TMEM117: variants seen among roughly 807,000 people sequenced by gnomAD.
TMEM117 encodes transmembrane protein 117.
TMEM117 carries 27 observed loss-of-function variants against 52.4 expected under a neutral mutation model. The observed-to-expected ratio is 0.51, with a 90% CI of 0.38 to 0.71. The LOEUF is 0.71. Among genes scored for constraint, TMEM117 ranks in the 30% least tolerant of loss-of-function variants. TMEM117 has a pLI of 0.00. For missense variants in TMEM117, 556 were observed against 630.5 expected (o/e 0.88, Z 1.26); for synonymous variants, 215 against 206.3 (o/e 1.04, Z -0.36).
intron 3 of TMEM117, among the ~76,000 whole-genome samples, chr12:44,039,486 A>G (rs1425926423): frequency 6.6e-6 from 1 of 151,548 alleles, no homozygotes; most frequent in Non-Finnish European, 1.5e-5. Flanking sequence ...TTGTTCTTTC[A>G]TGTAAATTTT....
intron 6 of TMEM117, among the ~76,000 whole-genome samples, chr12:44,303,581 C>A (rs569924255): frequency 5.9e-5 from 9 of 152,218 alleles, no homozygotes; most frequent in Admixed American, 5.9e-4. Context: ...CAGATACCAG[C>A]AAAGTGTAAC....
At chr12:44,398,679 C>A in the TMEM117 span, among the ~76,000 whole-genome samples, 1 of 152,192 alleles carries the variant, frequency 6.6e-6, no homozygotes, top group Non-Finnish European at 1.5e-5. Flanking sequence ...TGGGACACCG[C>A]TGGATTTTGG....
At chr12:44,174,026 A>G (rs1174915904) in intron 4 of TMEM117, among the ~76,000 whole-genome samples, 1 of 152,178 alleles carries the variant, frequency 6.6e-6, no homozygotes, top group Non-Finnish European at 1.5e-5. Flanking sequence ...AATTGCTTTT[A>G]ACTTTTTTTT....
chr12:43,901,148 G>A (rs1472218894), intron 2 of TMEM117, among the ~76,000 whole-genome samples: 1 of 152,172 alleles, frequency 6.6e-6, no homozygotes, highest in Admixed American at 6.5e-5. Context: ...GTCAAAATGA[G>A]TCGACTTTTA....
At chr12:43,969,112 A>G (rs763588656) in intron 3 of TMEM117, among the ~76,000 whole-genome samples, 8 of 152,106 alleles carry the variant, frequency 5.3e-5, no homozygotes, top group Non-Finnish European at 1.0e-4. Flanking sequence ...TTTTTACTTT[A>G]CAGAATGAAG....
At position 43,853,732 on chromosome 12, in the gene TMEM117, G is replaced by A. The variant is rs558415267; in HGVS notation, c.277+8804G>A. ...AACACTCTTGATGATACAAGAAAAT[G>A]TGTATCGAGTATCAAATGAATAGTA... On this transcript the variant is annotated intron_variant, in intron 2 of 7. Coordinates refer to ENST00000266534, the MANE Select transcript of TMEM117 (RefSeq NM_032256.3). 1.6e-4 allele frequency among the ~76,000 whole-genome samples: 24 copies of A among 152,330 alleles called. No individual in the cohort carries two copies. The South Asian group carries it at 4.8e-3, about 30-fold the overall frequency.
At chr12:43,913,214 C>T (rs114509402) in intron 2 of TMEM117, among the ~76,000 whole-genome samples, 39 of 152,194 alleles carry the variant, frequency 2.6e-4, no homozygotes, top group African/African-American at 8.9e-4. Flanking sequence ...TCCTTGGACT[C>T]CAGGTAGGAA....
intron 6 of TMEM117, among the ~76,000 whole-genome samples, chr12:44,316,986 ATTTCTT>A (rs892809271): frequency 5.6e-5 from 8 of 142,812 alleles, no homozygotes; most frequent in South Asian, 2.2e-4. Flanking sequence ...TTCTTCAGAA[ATTTCTT>A]TTTCTTTTTC....
chr12:43,978,744 T>G (rs947637023), intron 3 of TMEM117, among the ~76,000 whole-genome samples: 6 of 152,126 alleles, frequency 3.9e-5, no homozygotes, highest in Non-Finnish European at 7.3e-5. Context: ...TCTTATGACA[T>G]CAGGGTCATA....
intron 5 of TMEM117, among the ~76,000 whole-genome samples, chr12:44,298,821 G>A (rs2138638610): frequency 6.6e-6 from 1 of 150,866 alleles, no homozygotes; most frequent in East Asian, 1.9e-4. Flanking sequence ...GGTGGTCCCT[G>A]TATGGAGCTT....
intron 3 of TMEM117, among the ~76,000 whole-genome samples, chr12:44,037,643 G>T (rs1488048792): frequency 2.0e-5 from 3 of 152,104 alleles, no homozygotes; most frequent in Non-Finnish European, 4.4e-5. Context: ...GCCCACCCAT[G>T]GCCACCCATG....
At chr12:44,134,299 C>T (rs1254125790) in intron 3 of TMEM117, among the ~76,000 whole-genome samples, 2 of 152,044 alleles carry the variant, frequency 1.3e-5, no homozygotes, top group African/African-American at 4.8e-5. Context: ...CTCGCTGTAG[C>T]GTTGACCTCC....
At chr12:44,107,839 T>G (rs1441812709) in intron 3 of TMEM117, among the ~76,000 whole-genome samples, 1 of 152,142 alleles carries the variant, frequency 6.6e-6, no homozygotes, top group Non-Finnish European at 1.5e-5. Context: ...AAACTTTTTG[T>G]TTTCATATTC....
chr12:44,012,524 G>T, intron 3 of TMEM117, among the ~76,000 whole-genome samples: 1 of 134,938 alleles, frequency 7.4e-6, no homozygotes. Flanking sequence ...TTTTAGTTTT[G>T]GAGATTTCTA....
intron 6 of TMEM117, among the ~76,000 whole-genome samples, chr12:44,342,179 G>A (rs1397258316): frequency 6.6e-6 from 1 of 152,150 alleles, no homozygotes; most frequent in Non-Finnish European, 1.5e-5. Context: ...AGCTACAGAA[G>A]GTCGTTTGTC....
At chr12:44,274,977 T>G (rs1330434661) in intron 5 of TMEM117, among the ~76,000 whole-genome samples, 2 of 152,094 alleles carry the variant, frequency 1.3e-5, no homozygotes, top group Non-Finnish European at 2.9e-5. Flanking sequence ...GTTAAAAAGC[T>G]TCTGCACAGC....
At chr12:44,282,090 A>G (rs890272756) in intron 5 of TMEM117, among the ~76,000 whole-genome samples, 1 of 151,948 alleles carries the variant, frequency 6.6e-6, no homozygotes, top group Non-Finnish European at 1.5e-5. Flanking sequence ...AGGGGTTTCC[A>G]CTTTTGCTTC....
chr12:44,198,119 T>C (rs894324489), intron 4 of TMEM117, among the ~76,000 whole-genome samples: 3 of 152,180 alleles, frequency 2.0e-5, no homozygotes, highest in Non-Finnish European at 4.4e-5. Flanking sequence ...GCATAATCCT[T>C]TCTGGTTAGC....
At chr12:43,798,273 C>A in the TMEM117 span, among the ~76,000 whole-genome samples, 1 of 152,056 alleles carries the variant, frequency 6.6e-6, no homozygotes, top group African/African-American at 2.4e-5. Flanking sequence ...AAACAGTGTA[C>A]AAAGACAACA....
Sources: gnomAD v4.1 joint callset for allele counts (sites outside exome capture counted in the v4.1 genomes callset) on GRCh38, gnomAD v4.1.1 for gene constraint, MANE v1.5 for transcripts, NCBI Gene and HGNC (gene_info 2026-07-23, HGNC 2026-07-21) for gene names.